Variants in OXSR1 observed in about 807,000 individuals in gnomAD.
OXSR1 encodes the protein oxidative stress responsive kinase 1, also known as serine/threonine-protein kinase OSR1.
OXSR1 carries 24 observed loss-of-function variants against 79.8 expected under a neutral mutation model. That is an observed-to-expected ratio of 0.30 (90% CI 0.22 to 0.42). The LOEUF (loss-of-function observed/expected upper bound fraction) is 0.42, where lower values mean the gene tolerates loss of function less well. OXSR1 is among the 10% of genes least tolerant of loss of function. The probability of loss-of-function intolerance (pLI) is 1.00; values close to 1 mark genes in which losing one functional copy is unlikely to be tolerated. For synonymous variants in OXSR1, 226 were observed against 209.2 expected, an observed-to-expected ratio of 1.08 and a Z score of -0.69; for missense variants, 430 against 618.4, an observed-to-expected ratio of 0.70 and a Z score of 3.23.
rs1476946944 is a variant in OXSR1, at chr3:38,254,134, T to C, written c.*1243T>C. The C allele has an allele frequency of 2.5e-6, 1 of 398,778 alleles. No homozygotes were observed. The highest frequency in any genetic ancestry group is 2.1e-5 in the African/African-American group (1 of 48,744). 24.7% of individuals were successfully genotyped at this position (398,778 alleles called of 1,614,324 possible). On this transcript the variant is annotated 3_prime_UTR_variant, in exon 18 of 18. Transcript: ENST00000311806. Reference sequence around the variant, plus strand: ...AACTGCTAGTAACCCTACCGAGTTTTATATATGAGTGGGATACTCAATCTG... The same window carrying C: ...AACTGCTAGTAACCCTACCGAGTTTCATATATGAGTGGGATACTCAATCTG...
chr3:38,212,716 CAT>C (rs748737571), intron 4 of OXSR1, among the ~76,000 whole-genome samples: 2 of 152,110 alleles, frequency 1.3e-5, no homozygotes, highest in Middle Eastern at 3.2e-3. Context: ...GCAACAGTGA[CAT>C]GTGAGAAATG....
At position 38,165,742 on chromosome 3, in the gene OXSR1, A is replaced by T; in HGVS notation, c.-135A>T. On this transcript the variant is annotated 5_prime_UTR_variant, in exon 1 of 18. Coordinates refer to ENST00000311806, the MANE Select transcript of OXSR1 (RefSeq NM_005109.3). ...TGACCCCGCGCCCCGGCGCCGTCCG[A>T]CCCGTGGCTGTTCCGAGACGATTGG... is the stretch of plus-strand genomic sequence containing the variant. 1.3e-6 allele frequency: 1 copy of T among 775,584 alleles called. No individual in the cohort carries two copies. The highest frequency in any genetic ancestry group is 1.7e-5 in the South Asian group (1 of 59,186). 48.0% of individuals were successfully genotyped at this position (775,584 alleles called of 1,614,324 possible).
intron 2 of OXSR1, among the ~76,000 whole-genome samples, 198 bp from the exon 3 acceptor site, chr3:38,190,533 G>C (rs1429564089): frequency 1.3e-5 from 2 of 152,142 alleles, no homozygotes; most frequent in Non-Finnish European, 2.9e-5. Context: ...AGTGTAATGA[G>C]TGAAGGAAAT....
chr3:38,229,763 G>C, intron 9 of OXSR1, 28 bp downstream of exon 9: 1 of 1,554,416 alleles, frequency 6.4e-7, no homozygotes, highest in Non-Finnish European at 8.9e-7. Context: ...TTGATTATGT[G>C]TGTTCATAGG....
upstream of OXSR1, among the ~76,000 whole-genome samples, chr3:38,164,277 C>T (rs1431797925): frequency 2.0e-5 from 3 of 152,166 alleles, no homozygotes; most frequent in Non-Finnish European, 4.4e-5. Context: ...TCCCTAGTAG[C>T]TGGGATTACA....
Position 38,212,222 on chromosome 3 carries a change from G to A in OXSR1, c.435-3874G>A, listed in dbSNP as rs36070912. Among the ~76,000 whole-genome samples, 693 of 152,310 alleles carry A rather than the reference G, an allele frequency of 4.5e-3. 5 individuals carry two copies. Among genetic ancestry groups the A allele is most frequent in the African/African-American group, 0.016 (645 of 41,556 alleles). ...CACTGAGACCTAGGCTTAGGAGAAAGTTGTTTCATTGGGAAGCAGAGGCAG... is the reference window on the plus strand; with the variant it reads ...CACTGAGACCTAGGCTTAGGAGAAAATTGTTTCATTGGGAAGCAGAGGCAG... On this transcript the variant is annotated intron_variant, in intron 4 of 17. Transcript: ENST00000311806.
At chr3:38,241,890 T>G (rs564693370) in intron 11 of OXSR1, among the ~76,000 whole-genome samples, 1 of 151,378 alleles carries the variant, frequency 6.6e-6, no homozygotes, top group Non-Finnish European at 1.5e-5. Context: ...TACTCCTTAA[T>G]GAAATGGTGA....
At chr3:38,198,910 A>C in intron 4 of OXSR1, 47 bp downstream of exon 4, 2 of 1,519,748 alleles carry the variant, frequency 1.3e-6, no homozygotes, top group South Asian at 1.2e-5. Flanking sequence ...CATTAAGGCC[A>C]TTCCCACTCT....
chr3:38,175,844 G>T (rs1391196823), intron 1 of OXSR1, among the ~76,000 whole-genome samples: 1 of 152,198 alleles, frequency 6.6e-6, no homozygotes, highest in Non-Finnish European at 1.5e-5. Flanking sequence ...AAGAGTGGAA[G>T]AAGTGAGGAT....
intron 3 of OXSR1, among the ~76,000 whole-genome samples, 157 bp downstream of exon 3, chr3:38,190,996 A>G (rs1258457381): frequency 6.6e-6 from 1 of 152,174 alleles, no homozygotes; most frequent in African/African-American, 2.4e-5. Flanking sequence ...ATGAGCCAAG[A>G]CAGTTTTCAC....
intron 8 of OXSR1, 197 bp downstream of exon 8, chr3:38,224,901 A>C: frequency 3.0e-6 from 1 of 332,472 alleles, no homozygotes; most frequent in Non-Finnish European, 5.5e-6. Flanking sequence ...TACCCTAAAT[A>C]GTTCAGCTTT....
intron 8 of OXSR1, among the ~76,000 whole-genome samples, chr3:38,228,860 T>C (rs1232518750): frequency 2.6e-5 from 4 of 152,128 alleles, no homozygotes; most frequent in South Asian, 4.1e-4. Context: ...GCATGAGCCA[T>C]GGTGCCCTCT....
At chr3:38,250,093 T>G (rs1473864074) in intron 15 of OXSR1, 75 bp downstream of exon 15, 2 of 1,058,672 alleles carry the variant, frequency 1.9e-6, no homozygotes, top group Non-Finnish European at 2.9e-6. Context: ...GAAGTTTCTG[T>G]CCTTTGTGAA....
intron 3 of OXSR1, among the ~76,000 whole-genome samples, chr3:38,193,577 C>T (rs1376715530): frequency 6.6e-6 from 1 of 151,148 alleles, no homozygotes; most frequent in Non-Finnish European, 1.5e-5. Context: ...TATCTGTATG[C>T]CAGCCTATGC....
intron 4 of OXSR1, among the ~76,000 whole-genome samples, chr3:38,199,688 T>C (rs1702128142): frequency 6.6e-6 from 1 of 152,258 alleles, no homozygotes; most frequent in African/African-American, 2.4e-5. Flanking sequence ...TTAGAGCCCT[T>C]GCAGTGCTTT....
chr3:38,252,212 T>C, intron 16 of OXSR1, 116 bp from the exon 17 acceptor site: 1 of 760,064 alleles, frequency 1.3e-6, no homozygotes, highest in Admixed American at 1.8e-5. Context: ...ATCTGTCTGC[T>C]TCCATTTTGA....
chr3:38,252,413 G>A (rs9880223), intron 17 of OXSR1, 21 bp downstream of exon 17: 190,042 of 1,552,470 alleles, frequency 0.12, 17,359 homozygotes, highest in African/African-American at 0.48. Flanking sequence ...CTTCTTCCTT[G>A]TGAAAACATC....
chr3:38,244,870 C>G (rs1038608647), intron 12 of OXSR1, among the ~76,000 whole-genome samples: 9 of 152,200 alleles, frequency 5.9e-5, no homozygotes, highest in African/African-American at 2.2e-4. Context: ...GAGGGACCAT[C>G]ATACTGTTTT....
Position 38,240,896 on chromosome 3 carries a change from T to C in OXSR1, c.1075-1847T>C, listed in dbSNP as rs140955449. Reference sequence around the variant, plus strand: ...ATGGGGGAAAAGGAATGGTTCTTCATTGCGGTAGGCTACCAAGTGCTGACC... The same window carrying C: ...ATGGGGGAAAAGGAATGGTTCTTCACTGCGGTAGGCTACCAAGTGCTGACC... On this transcript the variant is annotated intron_variant, in intron 11 of 17. Transcript: ENST00000311806. 2.4e-3 allele frequency among the ~76,000 whole-genome samples: 360 copies of C among 152,304 alleles called. 1 individual carries two copies. The highest frequency in any genetic ancestry group is 8.3e-3 in the African/African-American group (347 of 41,566).
Sources: allele counts gnomAD v4.1 joint callset (sites outside exome capture counted in the v4.1 genomes callset), GRCh38; gene constraint gnomAD v4.1.1; transcripts MANE v1.5; gene names NCBI Gene and HGNC (gene_info 2026-07-23, HGNC 2026-07-21).